The following RBM47 variants were observed in gnomAD, a reference collection of about 807,000 sequenced individuals.
The protein encoded by RBM47 is RNA-binding protein 47.
A neutral mutation model predicts 47.1 loss-of-function variants in RBM47; 21 were observed. The ratio of observed to expected loss-of-function variants is 0.45; its 90% CI spans 0.32 to 0.64. The LOEUF (loss-of-function observed/expected upper bound fraction) is 0.64. RBM47 is among the 30% of genes least tolerant of loss of function. RBM47 has a pLI of 0.05. For synonymous variants in RBM47, 375 were observed against 361.7 expected, an observed-to-expected ratio of 1.04 and a Z score of -0.42; for missense variants, 708 against 870.9, an observed-to-expected ratio of 0.81 and a Z score of 2.35.
chr4:40,491,567 T>C lies in RBM47; in HGVS notation c.-154-24868A>G, dbSNP rs148599825. Among the ~76,000 whole-genome samples the C allele has an allele frequency of 4.6e-5, 7 of 152,182 alleles. No individual in the cohort carries two copies. In the East Asian group the frequency reaches 1.4e-3, roughly 29 times the overall value. ...AGACAACTTACAAAATGAGAGAAAA[T>C]ATTTGCAGATGTATATTTGATAATA... On this transcript the variant is annotated intron_variant, in intron 2 of 6. Transcript: ENST00000295971.
intron 3 of RBM47, among the ~76,000 whole-genome samples, chr4:40,449,252 T>C (rs192031653): frequency 6.6e-6 from 1 of 152,340 alleles, no homozygotes; most frequent in Admixed American, 6.5e-5. Flanking sequence ...CTGAAAAGCA[T>C]GGCCCTTGGG....
chr4:40,471,343 A>G (rs879694541), intron 2 of RBM47, among the ~76,000 whole-genome samples: 1 of 152,090 alleles, frequency 6.6e-6, no homozygotes, highest in Non-Finnish European at 1.5e-5. Flanking sequence ...GCTTCTCCCT[A>G]TCCACTCAGG....
chr4:40,456,559 C>CT (rs1716274632), intron 3 of RBM47, among the ~76,000 whole-genome samples: 3 of 118,726 alleles, frequency 2.5e-5, no homozygotes, highest in East Asian at 2.3e-4. Flanking sequence ...TTTTTTTTTT[C>CT]TTTTCTTTTT....
chr4:40,614,318 G>C (rs1239887731), intron 1 of RBM47, among the ~76,000 whole-genome samples: 2 of 152,072 alleles, frequency 1.3e-5, no homozygotes, highest in African/African-American at 4.8e-5. Context: ...AAAAGAATTA[G>C]AGAAAATTGC....
chr4:40,555,143 G>T (rs913407141), intron 1 of RBM47, among the ~76,000 whole-genome samples: 2 of 152,126 alleles, frequency 1.3e-5, no homozygotes, highest in African/African-American at 2.4e-5. Context: ...CACTATGTTG[G>T]CCAGGCTGGC....
rs756029913 is a variant in RBM47, at chr4:40,426,000, C to T, written c.1686G>A (p.Ala562=). The part of the protein sequence containing the change: ...IATLQKNAAA[A]AAMYGGYAGY... Reference sequence around the variant, plus strand: ...CTGCGTATCCTCCATACATGGCGGCCGCGGCTGCCGCGTTCTTCTGTAGTG... The same window carrying T: ...CTGCGTATCCTCCATACATGGCGGCTGCGGCTGCCGCGTTCTTCTGTAGTG... Residue 562 remains alanine (A), a synonymous_variant, in exon 7 of 7, where the codon GCG becomes GCA. Transcript: ENST00000295971. The T allele has an allele frequency of 1.9e-6, 3 of 1,613,958 alleles. No homozygotes were observed. The highest frequency in any genetic ancestry group is 1.7e-5 in the Admixed American group (1 of 60,020).
chr4:40,603,961 T>C (rs1735508233), intron 1 of RBM47, among the ~76,000 whole-genome samples: 1 of 152,142 alleles, frequency 6.6e-6, no homozygotes, highest in African/African-American at 2.4e-5. Flanking sequence ...CAGGATCTCA[T>C]TCCTTCATTC....
chr4:40,491,789 T>A (rs1027412907), intron 2 of RBM47: 29 of 210,802 alleles, frequency 1.4e-4, no homozygotes, highest in Admixed American at 6.1e-5. Context: ...GCACACGATG[T>A]GCCACCGCTG....
intron 1 of RBM47, among the ~76,000 whole-genome samples, chr4:40,584,033 G>A (rs1281544153): frequency 3.9e-5 from 6 of 151,950 alleles, no homozygotes; most frequent in East Asian, 1.9e-4. Flanking sequence ...GTGCAGTGAC[G>A]CAATCTTGGC....
intron 2 of RBM47, among the ~76,000 whole-genome samples, chr4:40,525,053 T>C (rs1726561777): frequency 6.6e-6 from 1 of 152,302 alleles, no homozygotes; most frequent in South Asian, 2.1e-4. Context: ...AATTTCACTG[T>C]GTTACATGAT....
chr4:40,579,841 T>A (rs1333334654), intron 1 of RBM47, among the ~76,000 whole-genome samples: 2 of 152,002 alleles, frequency 1.3e-5, no homozygotes, highest in Non-Finnish European at 2.9e-5. Flanking sequence ...TCTGCCTCCC[T>A]GGCTCAAGGG....
chr4:40,562,619 C>T (rs369213680), intron 1 of RBM47, among the ~76,000 whole-genome samples: 113 of 152,100 alleles, frequency 7.4e-4, no homozygotes, highest in Middle Eastern at 6.8e-3. Flanking sequence ...GTGCGCGCCA[C>T]CACGCCCGGC....
At chr4:40,505,571 C>T (rs1723985801) in intron 2 of RBM47, among the ~76,000 whole-genome samples, 2 of 150,648 alleles carry the variant, frequency 1.3e-5, no homozygotes, top group African/African-American at 2.4e-5. Context: ...TCCAAATCAA[C>T]GTTATTTCCT....
intron 2 of RBM47, among the ~76,000 whole-genome samples, chr4:40,518,158 CTTTTTTTTTTTTTT>C (rs530465415): frequency 8.5e-5 from 6 of 70,692 alleles, no homozygotes; most frequent in Admixed American, 2.3e-4. Context: ...CTTTTCTTTT[CTTTTTTTTTTTTTT>C]TTTTTTTTTT....
In RBM47 at chr4:40,498,175, A is replaced by C. The variant is rs138343017; in HGVS notation, c.-154-31476T>G. ...CCCATTTTTAAAATGATCGTACTTC[A>C]CTGAACAAGCTGGTTCTGCTTAGTT... On this transcript the variant is annotated intron_variant, in intron 2 of 6. Transcript: ENST00000295971. 4.2e-3 allele frequency among the ~76,000 whole-genome samples: 637 copies of C among 151,344 alleles called. 2 individuals carry two copies. The highest frequency in any genetic ancestry group is 0.015 in the African/African-American group (610 of 41,278).
chr4:40,426,377 G>A (rs1172752509), intron 6 of RBM47, among the ~76,000 whole-genome samples: 4 of 152,140 alleles, frequency 2.6e-5, no homozygotes, highest in Non-Finnish European at 4.4e-5. Context: ...AAAGTGAGAG[G>A]CCTGGAAGGC....
At chr4:40,568,356 G>C (rs185300427) in intron 1 of RBM47, among the ~76,000 whole-genome samples, 15 of 144,768 alleles carry the variant, frequency 1.0e-4, no homozygotes, top group Non-Finnish European at 2.0e-4. Context: ...TTGAGCCCGA[G>C]AGATGGAGGC....
At position 40,567,543 on chromosome 4, in the gene RBM47, A is replaced by G. The variant is rs1320269792; in HGVS notation, c.-239-23037T>C. 1.3e-5 allele frequency among the ~76,000 whole-genome samples: 2 copies of G among 152,050 alleles called. 1 individual carries two copies. Among genetic ancestry groups the G allele is most frequent in the Non-Finnish European group, 2.9e-5 (2 of 67,924 alleles). ...CAATTCAGTAACACGCAGTGCGCAC[A>G]GAGAATAGTCATGCAGTAACTGTTG... On this transcript the variant is annotated intron_variant, in intron 1 of 6. Transcript: ENST00000295971.
intron 2 of RBM47, among the ~76,000 whole-genome samples, chr4:40,479,067 C>A (rs999881138): frequency 6.6e-6 from 1 of 152,106 alleles, no homozygotes; most frequent in African/African-American, 2.4e-5. Context: ...GTGGTATCAG[C>A]AATAATAGTT....
Sources: allele counts gnomAD v4.1 joint callset (sites outside exome capture counted in the v4.1 genomes callset), GRCh38; gene constraint gnomAD v4.1.1; transcripts MANE v1.5; gene names NCBI Gene and HGNC (gene_info 2026-07-23, HGNC 2026-07-21).